KSR2: variants seen among roughly 807,000 people sequenced by gnomAD.
The protein encoded by KSR2 is kinase suppressor of ras 2.
A neutral mutation model predicts 107.8 loss-of-function variants in KSR2; 25 were observed. The observed-to-expected ratio is 0.23, with a 90% confidence interval of 0.17 to 0.32. The LOEUF (loss-of-function observed/expected upper bound fraction) is 0.32. Among genes scored for constraint, KSR2 ranks in the 10% least tolerant of loss-of-function variants. The pLI is 1.00. For missense variants in KSR2, 887 were observed against 1,268.9 expected (o/e 0.70, Z 4.57); for synonymous variants, 480 against 507.0 (o/e 0.95, Z 0.71).
At chr12:117,741,858 G>A (rs1460951128) in intron 4 of KSR2, among the ~76,000 whole-genome samples, 1 of 152,102 alleles carries the variant, frequency 6.6e-6, no homozygotes, top group African/African-American at 2.4e-5. Context: ...AATCATCAGT[G>A]GATGCTAAAA....
chr12:117,966,607 T>A (rs1896793686), intron 1 of KSR2, among the ~76,000 whole-genome samples: 2 of 113,880 alleles, frequency 1.8e-5, no homozygotes, highest in African/African-American at 7.4e-5. Flanking sequence ...TCTCTCTCTC[T>A]CTCTCACACG....
At chr12:117,600,897 C>A (rs890840034) in intron 5 of KSR2, among the ~76,000 whole-genome samples, 4 of 152,042 alleles carry the variant, frequency 2.6e-5, no homozygotes, top group African/African-American at 7.2e-5. Flanking sequence ...CGAGTGGGGG[C>A]TGGGGACTCC....
At chr12:117,848,565 C>T (rs1892781428) in intron 3 of KSR2, among the ~76,000 whole-genome samples, 1 of 152,166 alleles carries the variant, frequency 6.6e-6, no homozygotes, top group Admixed American at 6.6e-5. Flanking sequence ...GGGGAGTAGT[C>T]TCAAAAGAAA....
At chr12:117,735,039 G>C (rs912982345) in intron 4 of KSR2, among the ~76,000 whole-genome samples, 1 of 152,120 alleles carries the variant, frequency 6.6e-6, no homozygotes, top group Non-Finnish European at 1.5e-5. Flanking sequence ...CTCCAGACTT[G>C]TTCCTGCCTT....
rs778353655 is a variant in KSR2 at position 117,539,746 on chromosome 12, G to A, written c.1660C>T (p.Arg554Trp). 2.8e-5 allele frequency: 45 copies of A among 1,606,178 alleles called. No homozygotes were observed. Among genetic ancestry groups the A allele is most frequent in the South Asian group, 4.4e-5 (4 of 90,358 alleles). The change falls in exon 10 of 20, where the codon CGG (arginine) becomes TGG (tryptophan). Residue 554 changes from arginine to tryptophan, a missense_variant. By Grantham distance (101) the Arg-to-Trp change is moderately radical. Transcript: ENST00000339824. ...SPLHPSPQCT[R>W]QQKNFNLPAS... ...GGCAGGTTGAAGTTCTTCTGCTGCC[G>A]TGTGCACTGTGGGGAAGGGTGTAGG...
chr12:117,817,485 A>C (rs922199947), intron 3 of KSR2, among the ~76,000 whole-genome samples: 4 of 152,078 alleles, frequency 2.6e-5, no homozygotes, highest in Non-Finnish European at 5.9e-5. Flanking sequence ...CAGGACACTT[A>C]CTCCAGATCA....
At chr12:117,912,301 C>T (rs1023525439) in intron 1 of KSR2, among the ~76,000 whole-genome samples, 70 of 152,230 alleles carry the variant, frequency 4.6e-4, no homozygotes, top group African/African-American at 1.7e-3. Context: ...GATCTCTGAC[C>T]CTGCTTAATG....
At chr12:117,884,989 C>T (rs943603019) in intron 1 of KSR2, among the ~76,000 whole-genome samples, 5 of 152,178 alleles carry the variant, frequency 3.3e-5, no homozygotes, top group African/African-American at 1.2e-4. Context: ...GCAGGTAACA[C>T]CAGAGGATGC....
At chr12:117,889,860 C>T (rs1894287784) in intron 1 of KSR2, 1 of 152,200 alleles carries the variant, frequency 6.6e-6, no homozygotes, top group Non-Finnish European at 1.5e-5. Flanking sequence ...TGCTCTTCAA[C>T]ATCTTTCAAT....
intron 4 of KSR2, among the ~76,000 whole-genome samples, chr12:117,697,286 T>C (rs904406235): frequency 5.3e-5 from 8 of 152,192 alleles, no homozygotes; most frequent in East Asian, 1.9e-4. Flanking sequence ...GGAAGGTACA[T>C]ATTGAAAAAC....
chr12:117,831,965 G>C (rs1891986401), intron 3 of KSR2, among the ~76,000 whole-genome samples: 1 of 152,226 alleles, frequency 6.6e-6, no homozygotes, highest in Admixed American at 6.5e-5. Flanking sequence ...TAAGATACTT[G>C]AGGGTGGTTT....
intron 1 of KSR2, among the ~76,000 whole-genome samples, chr12:117,890,134 C>T (rs112915310): frequency 9.9e-5 from 15 of 152,164 alleles, no homozygotes; most frequent in African/African-American, 1.9e-4. Context: ...GTCCAGGGAC[C>T]GCATTTTGAA....
At chr12:117,829,688 T>C (rs1473600746) in intron 3 of KSR2, among the ~76,000 whole-genome samples, 2 of 152,212 alleles carry the variant, frequency 1.3e-5, no homozygotes, top group African/African-American at 4.8e-5. Flanking sequence ...GTTGACTTCA[T>C]GGACCACACG....
chr12:117,771,488 G>T (rs1889448682), intron 3 of KSR2, among the ~76,000 whole-genome samples: 1 of 152,152 alleles, frequency 6.6e-6, no homozygotes, highest in Non-Finnish European at 1.5e-5. Flanking sequence ...TGTGTCATGG[G>T]CGTGCATCTT....
At chr12:117,859,094 G>A (rs113874488) in intron 2 of KSR2, among the ~76,000 whole-genome samples, 27 of 151,348 alleles carry the variant, frequency 1.8e-4, no homozygotes, top group African/African-American at 6.6e-4. Context: ...ACAGTAACAG[G>A]CTGGCATCTA....
chr12:117,568,821 G>T (rs1291721711), intron 7 of KSR2, among the ~76,000 whole-genome samples: 1 of 151,980 alleles, frequency 6.6e-6, no homozygotes, highest in Non-Finnish European at 1.5e-5. Context: ...CTAAATTTTT[G>T]CTTATCATAG....
chr12:117,471,148 G>T, intron 18 of KSR2, 43 bp downstream of exon 18: 1 of 1,607,758 alleles, frequency 6.2e-7, no homozygotes, highest in South Asian at 1.1e-5. Flanking sequence ...CTGTGTCTGT[G>T]TCTCCCCTCA....
At chr12:117,879,015 C>T (rs1893952020) in intron 1 of KSR2, among the ~76,000 whole-genome samples, 1 of 152,260 alleles carries the variant, frequency 6.6e-6, no homozygotes, top group African/African-American at 2.4e-5. Context: ...CCACCGAAAT[C>T]ACTGGTCATT....
At chr12:117,484,673 G>A in intron 15 of KSR2, 124 bp from the exon 16 acceptor site, 1 of 953,962 alleles carries the variant, frequency 1.0e-6, no homozygotes, top group Non-Finnish European at 1.6e-6. Context: ...CTCAACAGAG[G>A]CAGGGCCTGG....
Sources: gnomAD v4.1 joint callset for allele counts (sites outside exome capture counted in the v4.1 genomes callset) on GRCh38, gnomAD v4.1.1 for gene constraint, MANE v1.5 for transcripts, NCBI Gene and HGNC (gene_info 2026-07-23, HGNC 2026-07-21) for gene names.